FUT9: variants seen among roughly 807,000 people sequenced by gnomAD.
The protein encoded by FUT9 is fucosyltransferase 9.
FUT9 carries 15 observed loss-of-function variants against 29.7 expected under a neutral mutation model. The observed-to-expected ratio is 0.51, with a 90% CI of 0.34 to 0.78. The LOEUF is 0.78. Ranked by LOEUF, FUT9 falls within the 30% of genes least tolerant of loss-of-function variation. The pLI, the probability that FUT9 is intolerant of heterozygous loss-of-function variation, is 0.01. For synonymous variants in FUT9, 169 were observed against 153.7 expected, an observed-to-expected ratio of 1.10 and a Z score of -0.74; for missense variants, 319 against 425.4, an observed-to-expected ratio of 0.75 and a Z score of 2.20.
intron 1 of FUT9, among the ~76,000 whole-genome samples, chr6:96,035,227 G>A (rs1231341421): frequency 6.6e-6 from 1 of 151,464 alleles, no homozygotes; most frequent in African/African-American, 2.4e-5. Context: ...AAAAAAGAGA[G>A]ATGAAGAGAG....
intron 2 of FUT9, among the ~76,000 whole-genome samples, chr6:96,175,658 A>T: frequency 6.6e-6 from 1 of 152,216 alleles, no homozygotes; most frequent in African/African-American, 2.4e-5. Context: ...ATTATGAAAA[A>T]ATAAGTAAAT....
intron 1 of FUT9, among the ~76,000 whole-genome samples, chr6:96,104,972 C>T (rs1342423865): frequency 6.6e-6 from 1 of 152,108 alleles, no homozygotes; most frequent in African/African-American, 2.4e-5. Context: ...GATAAAGAGT[C>T]ATCTCGAGGC....
chr6:96,169,776 T>G (rs892402540), intron 2 of FUT9, among the ~76,000 whole-genome samples: 1 of 152,166 alleles, frequency 6.6e-6, no homozygotes, highest in Non-Finnish European at 1.5e-5. Context: ...TTAAAATTGT[T>G]TATTATTTTG....
At position 96,203,519 on chromosome 6, in the gene FUT9, C is replaced by A. The variant is rs576804723; in HGVS notation, c.364C>A (p.Gln122Lys). Reference protein sequence around the residue: ...DISWDLTNLPQQARPPFQKWI... With the variant: ...DISWDLTNLPKQARPPFQKWI... Reference sequence around the variant, plus strand: ...CAGTTGGGATCTGACAAATTTACCTCAGCAAGCTAGGCCACCCTTCCAGAA... The same window carrying A: ...CAGTTGGGATCTGACAAATTTACCTAAGCAAGCTAGGCCACCCTTCCAGAA... Residue 122 changes from glutamine (Q) to lysine (K), a missense_variant, in exon 3 of 3, where the codon CAG becomes AAG. Transcript: ENST00000302103. 1.9e-6 allele frequency: 3 copies of A among 1,613,352 alleles called. No homozygotes were observed. In the Admixed American group the frequency reaches 5.0e-5, roughly 27 times the overall value.
chr6:96,199,540 G>A (rs1024754125), intron 2 of FUT9, among the ~76,000 whole-genome samples: 17 of 152,016 alleles, frequency 1.1e-4, no homozygotes, highest in Non-Finnish European at 1.3e-4. Flanking sequence ...TCAATTCCTC[G>A]TTTGGCTAAT....
At chr6:96,101,667 T>A (rs923841607) in intron 1 of FUT9, among the ~76,000 whole-genome samples, 13 of 152,010 alleles carry the variant, frequency 8.6e-5, no homozygotes, top group African/African-American at 3.1e-4. Flanking sequence ...CATACTCCAA[T>A]TCTGGAGACA....
intron 1 of FUT9, among the ~76,000 whole-genome samples, chr6:96,047,173 A>C (rs1213712403): frequency 1.3e-5 from 2 of 152,184 alleles, no homozygotes; most frequent in Non-Finnish European, 2.9e-5. Context: ...AGTGTCACCG[A>C]ATGGAAATGA....
intron 1 of FUT9, among the ~76,000 whole-genome samples, chr6:96,024,257 G>A (rs1003126821): frequency 6.6e-6 from 1 of 151,732 alleles, no homozygotes; most frequent in Non-Finnish European, 1.5e-5. Flanking sequence ...TCTTGGATAG[G>A]TGCATATGTC....
intron 2 of FUT9, among the ~76,000 whole-genome samples, chr6:96,158,556 T>C (rs989783961): frequency 6.6e-6 from 1 of 152,098 alleles, no homozygotes; most frequent in African/African-American, 2.4e-5. Flanking sequence ...GCAAAACAGA[T>C]TGGTCCCTAA....
At position 96,031,962 on chromosome 6, in the gene FUT9, A is replaced by G. The variant is rs113585948; in HGVS notation, c.-98+15750A>G. Among the ~76,000 whole-genome samples, 838 of 151,688 alleles carry G rather than the reference A, an allele frequency of 5.5e-3. 11 individuals carry two copies. Among genetic ancestry groups the G allele is most frequent in the African/African-American group, 0.019 (780 of 41,468 alleles). The stretch of plus-strand genomic sequence containing the variant: ...GAAAGATCTGTAGCCAATGTGGCCT[A>G]TGGCTTTCCAGTTTGCAGTTCTTCC... On this transcript the variant is annotated intron_variant, in intron 1 of 2. Transcript: ENST00000302103.
chr6:96,020,611 G>T (rs1218663458), intron 1 of FUT9, among the ~76,000 whole-genome samples: 4 of 151,972 alleles, frequency 2.6e-5, no homozygotes, highest in Non-Finnish European at 5.9e-5. Context: ...AAAAAAATAA[G>T]CTCTAAACTG....
Position 96,207,307 on chromosome 6 carries a change from C to T in FUT9, c.*3072C>T, listed in dbSNP as rs191002913. 2 of 167,008 alleles carry T rather than the reference C, an allele frequency of 1.2e-5. No individual in the cohort carries two copies. The highest frequency in any genetic ancestry group is 4.8e-5 in the African/African-American group (2 of 41,522). The allele number at this position is 167,008 out of a possible 1,614,324, so 10.3% of individuals were successfully genotyped here. A position where few individuals can be genotyped will look rare whatever the true frequency, so the allele number is the denominator to read the frequency against. On this transcript the variant is annotated 3_prime_UTR_variant, in exon 3 of 3. Transcript: ENST00000302103. ...ATTTAAGGATCCTATCTTTCTTTATCCCACTTTCTTTTCAATCGCATTCAT... is the reference window on the plus strand; with the variant it reads ...ATTTAAGGATCCTATCTTTCTTTATTCCACTTTCTTTTCAATCGCATTCAT...
intron 2 of FUT9, among the ~76,000 whole-genome samples, chr6:96,182,115 A>G (rs1321896728): frequency 6.6e-6 from 1 of 151,936 alleles, no homozygotes; most frequent in South Asian, 2.1e-4. Context: ...TTGATTATGG[A>G]CATTCTTGCA....
chr6:96,097,423 G>C (rs535126494), intron 1 of FUT9, among the ~76,000 whole-genome samples: 2 of 151,988 alleles, frequency 1.3e-5, no homozygotes, highest in African/African-American at 4.8e-5. Flanking sequence ...TAGCAAACAA[G>C]TCAGGGTTTA....
chr6:96,180,945 AG>A (rs1358556700), intron 2 of FUT9, among the ~76,000 whole-genome samples: 3 of 151,532 alleles, frequency 2.0e-5, no homozygotes, highest in Non-Finnish European at 4.4e-5. Context: ...GAAAAAAAAA[AG>A]AAAAGCAGGA....
rs1324156249 is a variant in FUT9, at chr6:96,203,165, A to G, written c.10A>G (p.Thr4Ala). 1.9e-6 allele frequency: 3 copies of G among 1,591,874 alleles called. No homozygotes were observed. The highest frequency in any genetic ancestry group is 2.3e-5 in the East Asian group (1 of 44,386). ...TTTCGTAGGAAAAATTATGACATCA[A>G]CATCCAAAGGAATTCTTCGCCCATT... MTS[T>A]SKGILRPFLI... The change falls in exon 3 of 3, where the codon ACA becomes GCA. Residue 4 changes from threonine (T) to alanine (A), a missense_variant. Coordinates refer to ENST00000302103, the MANE Select transcript of FUT9 (RefSeq NM_006581.4).
intron 1 of FUT9, among the ~76,000 whole-genome samples, chr6:96,072,215 C>T (rs1290714814): frequency 1.3e-5 from 2 of 152,068 alleles, no homozygotes; most frequent in African/African-American, 2.4e-5. Flanking sequence ...AGATTCAAAC[C>T]CAATTGACTA....
At chr6:96,202,079 C>T (rs533936923) in intron 2 of FUT9, among the ~76,000 whole-genome samples, 17 of 151,724 alleles carry the variant, frequency 1.1e-4, no homozygotes, top group Admixed American at 9.2e-4. Flanking sequence ...ATATTATTTT[C>T]GTAAGAGAAG....
At chr6:96,070,168 C>G (rs1218599312) in intron 1 of FUT9, among the ~76,000 whole-genome samples, 3 of 152,082 alleles carry the variant, frequency 2.0e-5, no homozygotes, top group African/African-American at 7.2e-5. Flanking sequence ...TGAGGGGACA[C>G]CTATCCTAGT....
Sources: gnomAD v4.1 joint callset for allele counts (sites outside exome capture counted in the v4.1 genomes callset) on GRCh38, gnomAD v4.1.1 for gene constraint, MANE v1.5 for transcripts, NCBI Gene and HGNC (gene_info 2026-07-23, HGNC 2026-07-21) for gene names.